RAB10: variants seen among roughly 807,000 people sequenced by gnomAD.
RAB10 encodes the protein RAB10, member RAS oncogene family, also known as ras-related protein Rab-10.
Under a neutral mutation model 25.7 loss-of-function variants are expected in RAB10, and 5 were observed. That is an observed-to-expected ratio of 0.19 (90% CI 0.10 to 0.41). The LOEUF is 0.41. Among genes scored for constraint, RAB10 ranks in the 10% least tolerant of loss-of-function variants. The pLI is 1.00. For missense variants in RAB10, 103 were observed against 245.8 expected (o/e 0.42, Z 3.89); for synonymous variants, 89 against 86.4 (o/e 1.03, Z -0.16).
At chr2:26,121,324 C>G (rs1667799755) in intron 3 of RAB10, among the ~76,000 whole-genome samples, 1 of 152,072 alleles carries the variant, frequency 6.6e-6, no homozygotes, top group Admixed American at 6.6e-5. Context: ...TGTCATTGAC[C>G]CTTGAACTGC....
intron 1 of RAB10, among the ~76,000 whole-genome samples, chr2:26,040,591 A>G (rs1665862509): frequency 6.6e-6 from 1 of 152,096 alleles, no homozygotes; most frequent in Admixed American, 6.6e-5. Flanking sequence ...CCAGGAGTTC[A>G]AAGGTGCAGT....
intron 1 of RAB10, among the ~76,000 whole-genome samples, chr2:26,040,266 C>G (rs951246771): frequency 6.6e-6 from 1 of 152,180 alleles, no homozygotes. Flanking sequence ...ATCCTCCTTC[C>G]TCGGCCTCTC....
intron 1 of RAB10, among the ~76,000 whole-genome samples, chr2:26,089,287 ATGGTGG>A (rs1364759297): frequency 3.3e-5 from 5 of 151,860 alleles, no homozygotes; most frequent in African/African-American, 1.2e-4. Context: ...GCCGGGCATG[ATGGTGG>A]GTGCCTGTAA....
At chr2:26,099,539 T>G (rs1439974302) in intron 2 of RAB10, among the ~76,000 whole-genome samples, 1 of 117,694 alleles carries the variant, frequency 8.5e-6, no homozygotes, top group Non-Finnish European at 1.9e-5. Flanking sequence ...TGGGTTTTTT[T>G]TTTTTTTTTT....
At chr2:26,086,141 C>T (rs998234744) in intron 1 of RAB10, among the ~76,000 whole-genome samples, 1 of 151,912 alleles carries the variant, frequency 6.6e-6, no homozygotes, top group African/African-American at 2.4e-5. Context: ...ATGACAAAAC[C>T]TCATCTCTAC....
At chr2:26,125,107 C>T (rs1667880040) in intron 3 of RAB10, among the ~76,000 whole-genome samples, 1 of 152,126 alleles carries the variant, frequency 6.6e-6, no homozygotes, top group Non-Finnish European at 1.5e-5. Context: ...TTAAATTCTT[C>T]TGCGTGTATA....
chr2:26,079,443 GGAA>G (rs1666818088), intron 1 of RAB10, among the ~76,000 whole-genome samples: 1 of 151,928 alleles, frequency 6.6e-6, no homozygotes, highest in Non-Finnish European at 1.5e-5. Flanking sequence ...GAAGTTGAAA[GGAA>G]GAAGGCTAGA....
chr2:26,073,201 A>T (rs1666664694), intron 1 of RAB10, among the ~76,000 whole-genome samples: 1 of 152,300 alleles, frequency 6.6e-6, no homozygotes, highest in African/African-American at 2.4e-5. Context: ...TTAAAAGTAG[A>T]GAAGGATTTA....
At position 26,041,565 on chromosome 2, in the gene RAB10, AAG is replaced by A. The variant is rs1491024374; in HGVS notation, c.127+6832_127+6833del. Among the ~76,000 whole-genome samples the A allele has an allele frequency of 2.7e-3, 405 of 149,062 alleles. 72 individuals are homozygous for A. Among genetic ancestry groups the A allele is most frequent in the African/African-American group, 5.3e-3 (216 of 40,598 alleles). ...ACTCAAAAAAAAAAAAAAAAAAAAAAAGAATGTTAGCTGTTTGGCTTAATAGG... is the reference window on the plus strand; with the variant it reads ...ACTCAAAAAAAAAAAAAAAAAAAAAAAATGTTAGCTGTTTGGCTTAATAGG... On this transcript the variant is annotated intron_variant, in intron 1 of 5. Coordinates refer to ENST00000264710, the MANE Select transcript of RAB10 (RefSeq NM_016131.5).
At chr2:26,085,511 T>C (rs1046761311) in intron 1 of RAB10, among the ~76,000 whole-genome samples, 1 of 150,072 alleles carries the variant, frequency 6.7e-6, no homozygotes, top group Non-Finnish European at 1.5e-5. Context: ...AAAAAAGTTA[T>C]GCAAAAAGAC....
chr2:26,036,582 C>T (rs1009635175), intron 1 of RAB10, among the ~76,000 whole-genome samples: 6 of 151,854 alleles, frequency 4.0e-5, no homozygotes, highest in African/African-American at 1.5e-4. Flanking sequence ...TCACTTGAAC[C>T]TGGGAGGCGG....
intron 1 of RAB10, among the ~76,000 whole-genome samples, chr2:26,078,620 G>C (rs1666790776): frequency 6.6e-6 from 1 of 152,098 alleles, no homozygotes; most frequent in African/African-American, 2.4e-5. Context: ...GAGGGGAGGG[G>C]TTGCGGAAAA....
intron 2 of RAB10, among the ~76,000 whole-genome samples, chr2:26,100,430 TA>T (rs1479775360): frequency 6.6e-6 from 1 of 152,178 alleles, no homozygotes; most frequent in Non-Finnish European, 1.5e-5. Flanking sequence ...AAGTAATAAA[TA>T]GACAGCCAAT....
chr2:26,064,472 C>T (rs923306510), intron 1 of RAB10, among the ~76,000 whole-genome samples: 4 of 151,978 alleles, frequency 2.6e-5, no homozygotes, highest in African/African-American at 9.7e-5. Flanking sequence ...CAGGGGTGTG[C>T]CACCACGCCT....
intron 1 of RAB10, among the ~76,000 whole-genome samples, chr2:26,062,089 GGTAA>G (rs1386298124): frequency 9.9e-5 from 15 of 151,842 alleles, no homozygotes; most frequent in Non-Finnish European, 7.4e-5. Flanking sequence ...TTTTGTGTGT[GGTAA>G]GTTACTATAG....
chr2:26,112,823 G>A (rs1667602119), intron 3 of RAB10, among the ~76,000 whole-genome samples: 1 of 152,164 alleles, frequency 6.6e-6, no homozygotes, highest in African/African-American at 2.4e-5. Context: ...GCTCATGCCT[G>A]TAATCCCAGC....
At chr2:26,073,700 A>G (rs1055941727) in intron 1 of RAB10, among the ~76,000 whole-genome samples, 3 of 152,230 alleles carry the variant, frequency 2.0e-5, no homozygotes, top group African/African-American at 7.2e-5. Flanking sequence ...TGAACACTGC[A>G]TAAATAAGAA....
At chr2:26,081,050 TGTGATA>T (rs1666858492) in intron 1 of RAB10, among the ~76,000 whole-genome samples, 1 of 152,134 alleles carries the variant, frequency 6.6e-6, no homozygotes, top group African/African-American at 2.4e-5. Flanking sequence ...GGGTCTTTCC[TGTGATA>T]GTGAATAAGT....
chr2:26,094,054 C>A (rs772527765), intron 1 of RAB10, among the ~76,000 whole-genome samples: 26 of 151,820 alleles, frequency 1.7e-4, no homozygotes, highest in Admixed American at 1.1e-3. Context: ...CACCACCATG[C>A]CTGGCTAATT....
Sources: gnomAD v4.1 joint callset for allele counts (sites outside exome capture counted in the v4.1 genomes callset) on GRCh38, gnomAD v4.1.1 for gene constraint, MANE v1.5 for transcripts, NCBI Gene and HGNC (gene_info 2026-07-23, HGNC 2026-07-21) for gene names.